CLN8: variants seen among roughly 807,000 people sequenced by gnomAD.
CLN8 encodes the protein CLN8 transmembrane ER and ERGIC protein.
Under a neutral mutation model 15.7 loss-of-function variants are expected in CLN8, and 14 were observed. The ratio of observed to expected loss-of-function variants is 0.89; its 90% CI spans 0.59 to 1.39. The LOEUF (loss-of-function observed/expected upper bound fraction) is 1.39, where lower values mean the gene tolerates loss of function less well. Ranked by LOEUF, CLN8 falls within the 40% of genes most tolerant of loss-of-function variation. The pLI is 0.00. For missense variants in CLN8, 415 were observed against 364.0 expected (o/e 1.14, Z -1.14); for synonymous variants, 188 against 151.0 (o/e 1.25, Z -1.80).
At chr8:1,761,837 T>TAACAA (rs1800804496), upstream of CLN8, among the ~76,000 whole-genome samples, 1 of 152,242 alleles carries the variant, frequency 6.6e-6, no homozygotes, top group Non-Finnish European at 1.5e-5. Context: ...GCAAAATATC[T>TAACAA]CAAGCACTGT....
rs1801832657 is a variant in CLN8 at position 1,786,436 on chromosome 8, A to G, written c.*5869A>G. The G allele has an allele frequency of 6.6e-6, 1 of 152,172 alleles. No homozygotes were observed. The highest frequency in any genetic ancestry group is 1.5e-5 in the Non-Finnish European group (1 of 68,034). The allele number at this position is 152,172 out of a possible 1,614,324, so 9.4% of individuals were successfully genotyped here. ...TAATGCGAGAGCTTATTAATTCCAT[A>G]TTTATCATTTTGAATAACTTTTCTC... On this transcript the variant is annotated 3_prime_UTR_variant, in exon 3 of 3. Coordinates refer to ENST00000331222, the MANE Select transcript of CLN8 (RefSeq NM_018941.4).
At chr8:1,756,051 G>A (rs1346395017) in exon 1 of CLN8, 1 of 152,204 alleles carries the variant, frequency 6.6e-6, no homozygotes, top group African/African-American at 2.4e-5. Flanking sequence ...ATGCTGCTGT[G>A]TGGGAAGAAG....
chr8:1,771,539 C>A lies in CLN8; in HGVS notation c.485C>A (p.Thr162Asn), dbSNP rs1554449289. The change falls in exon 2 of 3, where the codon ACC (threonine) becomes AAC (asparagine). Residue 162 changes from threonine (T) to asparagine (N), a missense_variant. Physicochemically the swap from Thr to Asn is moderately conservative, Grantham distance 65. Coordinates refer to ENST00000331222, the MANE Select transcript of CLN8 (RefSeq NM_018941.4). ...NLQAGHYLAM[T>N]TLLLEMSTPF... ...CAAGCTGGCCACTATCTAGCTATGA[C>A]CACGTTGCTCCTGGAGATGAGCACG... 1 of 1,614,156 alleles carries A rather than the reference C, an allele frequency of 6.2e-7. No homozygotes were observed. The highest frequency in any genetic ancestry group is 8.5e-7 in the Non-Finnish European group (1 of 1,180,038).
At chr8:1,759,540 A>G (rs1800744376), upstream of CLN8, 1 of 152,056 alleles carries the variant, frequency 6.6e-6, no homozygotes, top group Non-Finnish European at 1.5e-5. Flanking sequence ...AGGGGCGGGG[A>G]ACTGTCACTG....
chr8:1,768,125 G>C (rs1227661453), intron 1 of CLN8, among the ~76,000 whole-genome samples: 1 of 151,634 alleles, frequency 6.6e-6, no homozygotes, highest in South Asian at 2.1e-4. Context: ...TGTATTTTTA[G>C]TAGAGGCAGG....
chr8:1,769,435 C>CGGAGAGCAGAGGGTCCAA (rs1313120899), intron 1 of CLN8, among the ~76,000 whole-genome samples: 22 of 152,274 alleles, frequency 1.4e-4, no homozygotes, highest in African/African-American at 5.1e-4. Flanking sequence ...GGGTCTCTTC[C>CGGAGAGCAGAGGGTCCAA]GGAGAGCAGA....
At chr8:1,753,149 G>T (rs972211798), upstream of CLN8, among the ~76,000 whole-genome samples, 3 of 152,160 alleles carry the variant, frequency 2.0e-5, no homozygotes, top group Non-Finnish European at 2.9e-5. Flanking sequence ...ACATAAGTTG[G>T]GAGGTTGGTA....
chr8:1,781,496 C>G lies in CLN8; in HGVS notation c.*929C>G, dbSNP rs932037017. ...GAGACGCCTTGGAGTTTAACCCCCA[C>G]CAACCAGAGCGTGGGCTGGTAAAGA... On this transcript the variant is annotated 3_prime_UTR_variant, in exon 3 of 3. Transcript: ENST00000331222. 2 of 151,864 alleles carry G rather than the reference C, an allele frequency of 1.3e-5. No homozygotes were observed. Among genetic ancestry groups the G allele is most frequent in the Admixed American group, 6.6e-5 (1 of 15,242 alleles). 9.4% of individuals were successfully genotyped at this position (151,864 alleles called of 1,614,324 possible).
Position 1,785,271 on chromosome 8 carries a change from G to C in CLN8, c.*4704G>C, listed in dbSNP as rs538692429. 60 of 186,822 alleles carry C rather than the reference G, an allele frequency of 3.2e-4. No homozygotes were observed. The highest frequency in any genetic ancestry group is 6.1e-4 in the Admixed American group (11 of 18,040). 11.6% of individuals were successfully genotyped at this position (186,822 alleles called of 1,614,324 possible). ...GTCCTACGGTGACACAGGCGGCGTG[G>C]GGTTAGACAGGTACCGGTCAGACTA... On this transcript the variant is annotated 3_prime_UTR_variant, in exon 3 of 3. Transcript: ENST00000331222.
chr8:1,754,260 G>A (rs1328926560), upstream of CLN8, among the ~76,000 whole-genome samples: 2 of 152,172 alleles, frequency 1.3e-5, no homozygotes, highest in African/African-American at 2.4e-5. Context: ...CCCTTGCAAT[G>A]TACTTTCATA....
rs762984374 is a variant in CLN8, at chr8:1,771,265, G to T, written c.211G>T (p.Ala71Ser). 4.3e-6 allele frequency: 7 copies of T among 1,613,700 alleles called. No individual in the cohort carries two copies. In the South Asian group the frequency reaches 7.7e-5, roughly 18 times the overall value. The change falls in exon 2 of 3, where the codon GCA becomes TCA. Residue 71 changes from alanine to serine, a missense_variant. Transcript: ENST00000331222. ...KVFWDLAATR[A>S]VFGVQSTAAG... Reference sequence around the variant, plus strand: ...CTTCTGGGACCTGGCGGCCACGCGTGCAGTCTTTGGTGTTCAGAGCACAGC... The same window carrying T: ...CTTCTGGGACCTGGCGGCCACGCGTTCAGTCTTTGGTGTTCAGAGCACAGC...
In CLN8 at chr8:1,772,663, A is replaced by G. The variant is rs1353798178; in HGVS notation, c.543+1066A>G. On this transcript the variant is annotated intron_variant, in intron 2 of 2. Transcript: ENST00000331222. Reference sequence around the variant, plus strand: ...GTGTGTGTGTGTGTGTATTTTTAGTAGAGACGGAGTTTCACTGTGTTGGCC... The same window carrying G: ...GTGTGTGTGTGTGTGTATTTTTAGTGGAGACGGAGTTTCACTGTGTTGGCC... Among the ~76,000 whole-genome samples the G allele has an allele frequency of 2.0e-5, 3 of 152,050 alleles. No homozygotes were observed. The East Asian group carries it at 5.8e-4, about 30-fold the overall frequency.
rs959850998 is a variant in CLN8 at position 1,781,453 on chromosome 8, G to C, written c.*886G>C. On this transcript the variant is annotated 3_prime_UTR_variant, in exon 3 of 3. Coordinates refer to ENST00000331222, the MANE Select transcript of CLN8 (RefSeq NM_018941.4). Reference sequence around the variant, plus strand: ...GGTACAAAGACAACGCTGAGGGGTAGTGACTCCTGTAGCAGCAGAGACGCC... The same window carrying C: ...GGTACAAAGACAACGCTGAGGGGTACTGACTCCTGTAGCAGCAGAGACGCC... 6.6e-6 allele frequency: 1 copy of C among 151,944 alleles called. No homozygotes were observed. The highest frequency in any genetic ancestry group is 2.4e-5 in the African/African-American group (1 of 41,374). The allele number at this position is 151,944 out of a possible 1,614,324, so 9.4% of individuals were successfully genotyped here. A position where few individuals can be genotyped will look rare whatever the true frequency, so the allele number is the denominator to read the frequency against.
intron 2 of CLN8, among the ~76,000 whole-genome samples, chr8:1,772,753 T>C (rs1387825141): frequency 6.6e-6 from 1 of 152,216 alleles, no homozygotes; most frequent in Non-Finnish European, 1.5e-5. Flanking sequence ...ATGCTGGGAT[T>C]ACAGGCATGA....
At position 1,782,083 on chromosome 8, in the gene CLN8, G is replaced by A. The variant is rs1215150433; in HGVS notation, c.*1516G>A. On this transcript the variant is annotated 3_prime_UTR_variant, in exon 3 of 3. Transcript: ENST00000331222. ...AACGTCGGCTGCTCGTGAGAATCAT[G>A]TGTGACTTACGTTCCTTATGTTTTA... 6.6e-6 allele frequency: 1 copy of A among 152,162 alleles called. No individual in the cohort carries two copies. The highest frequency in any genetic ancestry group is 2.4e-5 in the African/African-American group (1 of 41,440). The allele number at this position is 152,162 out of a possible 1,614,324, so 9.4% of individuals were successfully genotyped here.
Position 1,781,398 on chromosome 8 carries a change from A to C in CLN8, c.*831A>C, listed in dbSNP as rs1042238216. The C allele has an allele frequency of 9.8e-6, 1 of 102,420 alleles. No homozygotes were observed. The highest frequency in any genetic ancestry group is 3.9e-5 in the African/African-American group (1 of 25,656). 6.3% of individuals were successfully genotyped at this position (102,420 alleles called of 1,614,324 possible). On this transcript the variant is annotated 3_prime_UTR_variant, in exon 3 of 3. Transcript: ENST00000331222. Reference sequence around the variant, plus strand: ...AAAAAAAAAAAAAATTCTAGACCGAAGTGTACGGCAGTGCCATCTGGTGGC... The same window carrying C: ...AAAAAAAAAAAAAATTCTAGACCGACGTGTACGGCAGTGCCATCTGGTGGC...
chr8:1,770,917 T>C lies in CLN8; in HGVS notation c.-123-15T>C, dbSNP rs1474134581. The C allele has an allele frequency of 2.6e-6, 2 of 772,616 alleles. No individual in the cohort carries two copies. The highest frequency in any genetic ancestry group is 2.6e-5 in the East Asian group (1 of 38,098). 47.9% of individuals were successfully genotyped at this position (772,616 alleles called of 1,614,324 possible). A position where few individuals can be genotyped will look rare whatever the true frequency, so the allele number is the denominator to read the frequency against. On this transcript the variant is annotated splice_polypyrimidine_tract_variant and intron_variant, in intron 1 of 2. Transcript: ENST00000331222. ...TTCTATCGAGTCAACACAAAATGAATGATCTTTCTTTTAGATTGAAGATGG... is the reference window on the plus strand; with the variant it reads ...TTCTATCGAGTCAACACAAAATGAACGATCTTTCTTTTAGATTGAAGATGG...
chr8:1,773,401 G>A (rs1350171956), intron 2 of CLN8, among the ~76,000 whole-genome samples: 1 of 152,152 alleles, frequency 6.6e-6, no homozygotes, highest in Non-Finnish European at 1.5e-5. Context: ...GGAGGAGGTT[G>A]GGGGCCGGTG....
chr8:1,761,465 C>T (rs1054481856), upstream of CLN8, among the ~76,000 whole-genome samples: 1 of 152,214 alleles, frequency 6.6e-6, no homozygotes, highest in Non-Finnish European at 1.5e-5. Context: ...GTTGGCATTA[C>T]AGGCGTGCAC....
Sources: allele counts gnomAD v4.1 joint callset (sites outside exome capture counted in the v4.1 genomes callset), GRCh38; gene constraint gnomAD v4.1.1; transcripts MANE v1.5; gene names NCBI Gene and HGNC (gene_info 2026-07-23, HGNC 2026-07-21).